Variants in STIM2 observed in about 807,000 individuals in gnomAD.
STIM2 encodes the protein stromal interaction molecule 2.
STIM2 carries 31 observed loss-of-function variants against 85.8 expected under a neutral mutation model. That is an observed-to-expected ratio of 0.36 (90% CI 0.27 to 0.49). The LOEUF is 0.49. STIM2 is among the 20% of genes least tolerant of loss of function. The pLI is 0.98. For missense variants in STIM2, 841 were observed against 927.6 expected (o/e 0.91, Z 1.21); for synonymous variants, 356 against 331.1 (o/e 1.08, Z -0.82).
intron 1 of STIM2, among the ~76,000 whole-genome samples, chr4:26,887,446 T>C (rs1199567336): frequency 6.6e-6 from 1 of 152,178 alleles, no homozygotes; most frequent in African/African-American, 2.4e-5. Flanking sequence ...GTATCCCTTA[T>C]AGACTGTCAT....
At chr4:27,007,839 A>G in intron 8 of STIM2, 139 bp downstream of exon 8, 3 of 894,820 alleles carry the variant, frequency 3.4e-6, no homozygotes, top group Non-Finnish European at 3.4e-6. Context: ...CTTATTGTGT[A>G]AATAGACTCT....
intron 2 of STIM2, among the ~76,000 whole-genome samples, chr4:26,932,245 TGTG>T (rs1172850679): frequency 6.6e-6 from 1 of 152,240 alleles, no homozygotes; most frequent in Non-Finnish European, 1.5e-5. Flanking sequence ...CTTGTTTCTC[TGTG>T]TTAATGTAGA....
At chr4:26,970,402 A>G (rs1278229260) in intron 3 of STIM2, among the ~76,000 whole-genome samples, 1 of 150,566 alleles carries the variant, frequency 6.6e-6, no homozygotes, top group African/African-American at 2.5e-5. Context: ...CTAGCCCCCT[A>G]CCCCCTCACA....
chr4:26,939,023 G>A (rs923027507), intron 2 of STIM2, among the ~76,000 whole-genome samples: 2 of 152,028 alleles, frequency 1.3e-5, no homozygotes. Context: ...ATATTGGATG[G>A]TCTGTTAATG....
Position 27,007,719 on chromosome 4 carries a change from A to T in STIM2, c.1149+19A>T. 1 of 1,527,284 alleles carries T rather than the reference A, an allele frequency of 6.5e-7. No individual in the cohort carries two copies. Among genetic ancestry groups the T allele is most frequent in the Non-Finnish European group, 8.8e-7 (1 of 1,138,752 alleles). The allele number at this position is 1,527,284 out of a possible 1,614,324, so 94.6% of individuals were successfully genotyped here. ...AGATGAGGTACTCTCTTGTATTTCA[A>T]AATTTACTAAATTTGTTTCTTAGGC... On this transcript the variant is annotated intron_variant, in intron 8 of 11. Coordinates refer to ENST00000467087, the MANE Select transcript of STIM2 (RefSeq NM_020860.4).
chr4:26,929,071 T>G lies in STIM2; in HGVS notation c.282+9437T>G, dbSNP rs1725102733. 2.0e-5 allele frequency among the ~76,000 whole-genome samples: 3 copies of G among 152,180 alleles called. No homozygotes were observed. The South Asian group carries it at 6.2e-4, about 31-fold the overall frequency. ...TGTGCTATAAAGTATAAAACACACT[T>G]GAAATTTTGAAGGCTTATATGAGAA... On this transcript the variant is annotated intron_variant, in intron 2 of 11. Transcript: ENST00000467087.
At chr4:26,900,027 A>G (rs1175677936) in intron 1 of STIM2, among the ~76,000 whole-genome samples, 1 of 152,208 alleles carries the variant, frequency 6.6e-6, no homozygotes, top group East Asian at 1.9e-4. Flanking sequence ...ATAAACCGAG[A>G]AGTCTTTTAT....
Position 26,890,887 on chromosome 4 carries a change from A to ATCC in STIM2, c.152-28615_152-28613dup, listed in dbSNP as rs1560196630. Among the ~76,000 whole-genome samples the ATCC allele has an allele frequency of 3.3e-5, 5 of 152,006 alleles. No homozygotes were observed. The South Asian group carries it at 1.0e-3, about 32-fold the overall frequency. On this transcript the variant is annotated intron_variant, in intron 1 of 11. Transcript: ENST00000467087. ...GAGGATGGCAGAGCTTTGCTCTAAGATCCTAAGGGTCTTCACTCTGATTAA... is the reference window on the plus strand; with the variant it reads ...GAGGATGGCAGAGCTTTGCTCTAAGATCCTCCTAAGGGTCTTCACTCTGATTAA...
At chr4:26,897,157 A>T (rs557577543) in intron 1 of STIM2, among the ~76,000 whole-genome samples, 12 of 152,352 alleles carry the variant, frequency 7.9e-5, no homozygotes, top group Non-Finnish European at 1.5e-4. Flanking sequence ...AAATGCTTAT[A>T]AACATTCATG....
rs567527500 is a variant in STIM2, at chr4:26,947,494, G to A, written c.283-10118G>A. ...GTGGGGAGTGGGGGAAATTGGCCGG[G>A]CCAGGGCTCTCTTTGCAGATTATCT... On this transcript the variant is annotated intron_variant, in intron 2 of 11. Coordinates refer to ENST00000467087, the MANE Select transcript of STIM2 (RefSeq NM_020860.4). 8.5e-5 allele frequency among the ~76,000 whole-genome samples: 13 copies of A among 152,240 alleles called. No homozygotes were observed. In the East Asian group the frequency reaches 2.5e-3, roughly 29 times the overall value.
intron 1 of STIM2, among the ~76,000 whole-genome samples, chr4:26,871,269 G>A (rs777545293): frequency 5.9e-5 from 9 of 151,976 alleles, no homozygotes; most frequent in African/African-American, 9.7e-5. Context: ...CAAATAGTTC[G>A]TACTTTAAAA....
intron 2 of STIM2, among the ~76,000 whole-genome samples, chr4:26,928,598 G>A (rs1397327129): frequency 6.6e-6 from 1 of 152,000 alleles, no homozygotes; most frequent in Non-Finnish European, 1.5e-5. Context: ...GGTTTCAAAA[G>A]CCTGGTCTCT....
intron 1 of STIM2, chr4:26,873,559 G>A: frequency 2.3e-6 from 1 of 425,718 alleles, no homozygotes; most frequent in South Asian, 2.1e-5. Flanking sequence ...TGTCCAGGAA[G>A]CTCATGGGGA....
intron 10 of STIM2, among the ~76,000 whole-genome samples, chr4:27,010,140 A>G (rs1253634407): frequency 6.6e-6 from 1 of 152,188 alleles, no homozygotes; most frequent in Non-Finnish European, 1.5e-5. Context: ...AGTTGATTTT[A>G]AATTTAATGT....
At chr4:26,867,293 T>C (rs1283037622) in intron 1 of STIM2, among the ~76,000 whole-genome samples, 2 of 152,204 alleles carry the variant, frequency 1.3e-5, no homozygotes, top group Non-Finnish European at 2.9e-5. Context: ...CTATTTGTGA[T>C]AGAGAATCTT....
chr4:26,912,103 A>G (rs1295051469), intron 1 of STIM2, among the ~76,000 whole-genome samples: 1 of 152,240 alleles, frequency 6.6e-6, no homozygotes, highest in Non-Finnish European at 1.5e-5. Context: ...GTATTGAAGT[A>G]TTTGATTCGG....
intron 2 of STIM2, among the ~76,000 whole-genome samples, chr4:26,956,823 C>T (rs2109092843): frequency 6.6e-6 from 1 of 152,156 alleles, no homozygotes; most frequent in South Asian, 2.1e-4. Flanking sequence ...TGAATATAAC[C>T]AAATGGCTTG....
At chr4:26,899,992 T>C (rs1723857484) in intron 1 of STIM2, among the ~76,000 whole-genome samples, 1 of 152,208 alleles carries the variant, frequency 6.6e-6, no homozygotes, top group South Asian at 2.1e-4. Flanking sequence ...CAAGTATCTA[T>C]CTATTTCATA....
chr4:26,999,811 A>G (rs754556655), intron 5 of STIM2, among the ~76,000 whole-genome samples: 2 of 152,222 alleles, frequency 1.3e-5, no homozygotes, highest in African/African-American at 2.4e-5. Context: ...AGCTTTATAA[A>G]TTAACAAACT....
Sources: gnomAD v4.1 joint callset for allele counts (sites outside exome capture counted in the v4.1 genomes callset) on GRCh38, gnomAD v4.1.1 for gene constraint, MANE v1.5 for transcripts, NCBI Gene and HGNC (gene_info 2026-07-23, HGNC 2026-07-21) for gene names.